The following SCFD1 variants were observed in gnomAD, a reference collection of about 807,000 sequenced individuals.
The protein encoded by SCFD1 is sec1 family domain containing 1.
Under a neutral mutation model 103.2 loss-of-function variants are expected in SCFD1, and 37 were observed. The observed-to-expected ratio is 0.36, with a 90% CI of 0.28 to 0.47. SCFD1 has a LOEUF of 0.47. SCFD1 is among the 20% of genes least tolerant of loss of function. The pLI, the probability that SCFD1 is intolerant of heterozygous loss-of-function variation, is 1.00. For synonymous variants in SCFD1, 264 were observed against 245.0 expected (o/e 1.08, Z -0.73); for missense variants, 639 against 761.2 (o/e 0.84, Z 1.89).
At chr14:30,735,457 TTTA>T (rs1370407582) in intron 24 of SCFD1, 126 bp from the exon 25 acceptor site, 43 of 693,768 alleles carry the variant, frequency 6.2e-5, no homozygotes, top group Admixed American at 1.1e-4. Context: ...AACATTAAGA[TTTA>T]TTATTCTAGG....
intron 10 of SCFD1, 75 bp from the exon 11 acceptor site, chr14:30,670,181 T>A (rs1390732197): frequency 8.2e-6 from 10 of 1,219,552 alleles, no homozygotes; most frequent in Admixed American, 2.6e-5. Flanking sequence ...CTTGGAAACA[T>A]TAGAAAGGGC....
chr14:30,732,426 C>A (rs1035431938), intron 23 of SCFD1, among the ~76,000 whole-genome samples: 3 of 152,120 alleles, frequency 2.0e-5, no homozygotes, highest in Non-Finnish European at 4.4e-5. Context: ...TTCATAGATG[C>A]CCTTTAGATC....
At chr14:30,674,066 A>T (rs959479867) in intron 13 of SCFD1, 69 bp downstream of exon 13, 4 of 1,129,412 alleles carry the variant, frequency 3.5e-6, no homozygotes, top group Non-Finnish European at 5.2e-6. Context: ...TAACTAAAAA[A>T]TTGTTAATGT....
At chr14:30,700,068 G>A in intron 15 of SCFD1, 120 bp from the exon 16 acceptor site, 1 of 673,772 alleles carries the variant, frequency 1.5e-6, no homozygotes, top group Non-Finnish European at 2.6e-6. Context: ...GTTAAATCAA[G>A]AGCCATGTTT....
chr14:30,650,646 T>C lies in SCFD1; in HGVS notation c.751T>C (p.Phe251Leu). Reference sequence around the variant, plus strand: ...AGGTGATACACTTGGAGCTGGCCAATTCAGGTATTACTGTTATTAAATACA... The same window carrying C: ...AGGTGATACACTTGGAGCTGGCCAACTCAGGTATTACTGTTATTAAATACA... Reference protein sequence around the residue: ...FTGDTLGAGQFSFQRPLLVLV... With the variant: ...FTGDTLGAGQLSFQRPLLVLV... The change falls in exon 9 of 25, where the codon TTC becomes CTC. Residue 251 changes from phenylalanine to leucine, a missense_variant. Coordinates refer to ENST00000458591, the MANE Select transcript of SCFD1 (RefSeq NM_016106.4). The C allele has an allele frequency of 6.4e-7, 1 of 1,566,436 alleles. No homozygotes were observed. Among genetic ancestry groups the C allele is most frequent in the Non-Finnish European group, 8.8e-7 (1 of 1,138,326 alleles).
rs752997757 is a variant in SCFD1, at chr14:30,675,003, G to A, written c.1180G>A (p.Glu394Lys). 1 of 1,580,206 alleles carries A rather than the reference G, an allele frequency of 6.3e-7. No individual in the cohort carries two copies. The highest frequency in any genetic ancestry group is 8.6e-7 in the Non-Finnish European group (1 of 1,165,430). ...SAVSSLPELLEKKRLIDLHTN... is the reference protein window; with the variant it reads ...SAVSSLPELLKKKRLIDLHTN... ...TTGCAGTTCTTTGCCAGAACTCCTT[G>A]AGAAAAAAAGACTTATTGATCTCCA... Residue 394 changes from glutamate to lysine, a missense_variant, in exon 14 of 25, where the codon GAG becomes AAG. By Grantham distance (56) the Glu-to-Lys change is moderately conservative (BLOSUM62 1). Coordinates refer to ENST00000458591, the MANE Select transcript of SCFD1 (RefSeq NM_016106.4).
At chr14:30,703,361 T>C (rs1483772249) in intron 17 of SCFD1, among the ~76,000 whole-genome samples, 6 of 149,848 alleles carry the variant, frequency 4.0e-5, no homozygotes, top group Non-Finnish European at 7.4e-5. Flanking sequence ...TTTACAGTTA[T>C]GATCCCTGTT....
At chr14:30,636,402 A>G (rs1239292174) in intron 4 of SCFD1, among the ~76,000 whole-genome samples, 1 of 151,454 alleles carries the variant, frequency 6.6e-6, no homozygotes, top group Non-Finnish European at 1.5e-5. Context: ...CATTATTTTT[A>G]TATATGGTGG....
chr14:30,680,279 G>C (rs149717287), intron 14 of SCFD1, among the ~76,000 whole-genome samples: 1 of 152,298 alleles, frequency 6.6e-6, no homozygotes, highest in African/African-American at 2.4e-5. Context: ...AACAACCTGT[G>C]TTAGCCAGGG....
At chr14:30,705,764 G>A (rs79049481) in intron 17 of SCFD1, 59 bp from the exon 18 acceptor site, 42 of 1,295,660 alleles carry the variant, frequency 3.2e-5, no homozygotes, top group South Asian at 2.5e-4. Flanking sequence ...TTTTAATACC[G>A]TGACACCCAG....
intron 10 of SCFD1, chr14:30,657,969 T>C (rs1423001415): frequency 1.8e-5 from 7 of 393,194 alleles, no homozygotes; most frequent in African/African-American, 1.3e-4. Context: ...ACACTTCTGG[T>C]TAAAAAAAAA....
At chr14:30,721,177 G>C (rs1454735816) in intron 21 of SCFD1, among the ~76,000 whole-genome samples, 1 of 152,080 alleles carries the variant, frequency 6.6e-6, no homozygotes, top group Non-Finnish European at 1.5e-5. Flanking sequence ...AGGAAAAGAT[G>C]ATAGAACTGT....
chr14:30,672,647 G>T (rs1327617501), intron 11 of SCFD1, among the ~76,000 whole-genome samples: 1 of 152,162 alleles, frequency 6.6e-6, no homozygotes. Flanking sequence ...GCTCATGATT[G>T]CAGATCACTT....
At chr14:30,651,841 G>A (rs1410287212) in intron 9 of SCFD1, among the ~76,000 whole-genome samples, 1 of 152,020 alleles carries the variant, frequency 6.6e-6, no homozygotes, top group East Asian at 1.9e-4. Context: ...TTCAACTAAG[G>A]GCAGTTTTTG....
Position 30,633,986 on chromosome 14 carries a change from T to C in SCFD1, c.261T>C (p.Pro87=). The change falls in exon 4 of 25, where the codon CCT becomes CCC. Residue 87 remains proline (P), a synonymous_variant. Coordinates refer to ENST00000458591, the MANE Select transcript of SCFD1 (RefSeq NM_016106.4). The part of the protein sequence containing the change: ...HSDRDPIPDV[P]AVYFVMPTEE... ...ATCGAGATCCTATTCCAGATGTTCC[T>C]GCAGTATACTTTGTAATGCCAACTG... 6.2e-7 allele frequency: 1 copy of C among 1,606,230 alleles called. No individual in the cohort carries two copies. The highest frequency in any genetic ancestry group is 8.5e-7 in the Non-Finnish European group (1 of 1,174,900).
intron 21 of SCFD1, among the ~76,000 whole-genome samples, chr14:30,719,796 A>G (rs376045350): frequency 1.2e-4 from 19 of 152,190 alleles, no homozygotes; most frequent in Admixed American, 2.0e-4. Context: ...AACCATTGCT[A>G]TGTAACACCT....
At position 30,628,279 on chromosome 14, in the gene SCFD1, G is replaced by A; in HGVS notation, c.132G>A (p.Lys44=). The change falls in exon 2 of 25, where the codon AAG becomes AAA. Residue 44 remains lysine (K), a splice_region_variant and synonymous_variant. Coordinates refer to ENST00000458591, the MANE Select transcript of SCFD1 (RefSeq NM_016106.4). ...ACAGCACAGGAGAACCAGTATGGAA[G>A]GTAAGAGTTTATCTTAATGGGAACT... ...IKNSTGEPVW[K]VLIYDRFGQD... The A allele has an allele frequency of 6.3e-7, 1 of 1,598,960 alleles. No individual in the cohort carries two copies. The highest frequency in any genetic ancestry group is 8.6e-7 in the Non-Finnish European group (1 of 1,168,406).
chr14:30,712,499 G>A (rs1450899362), intron 19 of SCFD1, among the ~76,000 whole-genome samples: 1 of 152,094 alleles, frequency 6.6e-6, no homozygotes, highest in East Asian at 1.9e-4. Context: ...ATATTTCTTA[G>A]TTGTCTTTTT....
chr14:30,681,175 C>CA (rs1889441304), intron 14 of SCFD1, among the ~76,000 whole-genome samples: 1 of 149,282 alleles, frequency 6.7e-6, no homozygotes, highest in Non-Finnish European at 1.5e-5. Flanking sequence ...GAGCCGAGAT[C>CA]GTGCTATTGC....
Sources: gnomAD v4.1 joint callset for allele counts (sites outside exome capture counted in the v4.1 genomes callset) on GRCh38, gnomAD v4.1.1 for gene constraint, MANE v1.5 for transcripts, NCBI Gene and HGNC (gene_info 2026-07-23, HGNC 2026-07-21) for gene names.